The following KLF12 variants were observed in gnomAD, a reference collection of about 807,000 sequenced individuals.
The protein encoded by KLF12 is KLF transcription factor 12.
Under a neutral mutation model 37.8 loss-of-function variants are expected in KLF12, and 9 were observed. The ratio of observed to expected loss-of-function variants is 0.24; its 90% CI spans 0.14 to 0.42. The LOEUF is 0.42. Ranked by LOEUF, KLF12 falls within the 10% of genes least tolerant of loss-of-function variation. KLF12 has a pLI of 1.00. For missense variants in KLF12, 411 were observed against 516.0 expected, an observed-to-expected ratio of 0.80 and a Z score of 1.97; for synonymous variants, 208 against 202.1, an observed-to-expected ratio of 1.03 and a Z score of -0.25.
chr13:74,210,352 T>G, the KLF12 span, among the ~76,000 whole-genome samples: 3 of 152,170 alleles, frequency 2.0e-5, no homozygotes, highest in Admixed American at 2.0e-4. Flanking sequence ...CTGAAGAAGC[T>G]TCACTTGAGT....
At chr13:74,183,005 T>C in the KLF12 span, among the ~76,000 whole-genome samples, 1 of 152,280 alleles carries the variant, frequency 6.6e-6, no homozygotes, top group South Asian at 2.1e-4. Context: ...GGAAATCACT[T>C]TGGAAAATGC....
rs1001680214 is a variant in KLF12 at position 73,871,348 on chromosome 13, G to A, written c.124-24975C>T. 7.2e-5 allele frequency among the ~76,000 whole-genome samples: 11 copies of A among 152,306 alleles called. No homozygotes were observed. In the East Asian group the frequency reaches 7.7e-4, roughly 11 times the overall value. On this transcript the variant is annotated intron_variant, in intron 3 of 7. Transcript: ENST00000377669. The stretch of plus-strand genomic sequence containing the variant: ...CCCTCCTTCTCTTCAATGAATAAGC[G>A]AGCATTCGCTATACTAAATTCCTGT...
chr13:73,808,698 T>C (rs1263156768), intron 5 of KLF12, among the ~76,000 whole-genome samples: 1 of 152,204 alleles, frequency 6.6e-6, no homozygotes, highest in Non-Finnish European at 1.5e-5. Context: ...CTCAGGAATG[T>C]TCACGCTATA....
the KLF12 span, among the ~76,000 whole-genome samples, chr13:74,152,001 G>A: frequency 6.6e-6 from 1 of 152,136 alleles, no homozygotes; most frequent in Non-Finnish European, 1.5e-5. Context: ...AATAAAAAGG[G>A]CAACTAACAC....
the KLF12 span, among the ~76,000 whole-genome samples, chr13:74,189,810 C>T: frequency 6.6e-6 from 1 of 151,700 alleles, no homozygotes; most frequent in South Asian, 2.1e-4. Flanking sequence ...AAATTGTTTT[C>T]GACTAGTTGA....
At chr13:74,239,194 A>G in the KLF12 span, among the ~76,000 whole-genome samples, 4 of 150,538 alleles carry the variant, frequency 2.7e-5, no homozygotes, top group Non-Finnish European at 4.4e-5. Flanking sequence ...TCATTTCGTT[A>G]TGTACCCAGT....
At chr13:74,095,165 A>G (rs1044869122) in intron 1 of KLF12, among the ~76,000 whole-genome samples, 3 of 152,200 alleles carry the variant, frequency 2.0e-5, no homozygotes, top group Non-Finnish European at 2.9e-5. Context: ...ACATTTTTCA[A>G]GTCTCCAGAC....
intron 1 of KLF12, among the ~76,000 whole-genome samples, chr13:73,997,301 C>T (rs1413922934): frequency 6.6e-6 from 1 of 151,894 alleles, no homozygotes; most frequent in African/African-American, 2.4e-5. Context: ...TCTTTGATGC[C>T]CAGTTTTCTT....
chr13:74,269,188 G>A, the KLF12 span, among the ~76,000 whole-genome samples: 1 of 152,168 alleles, frequency 6.6e-6, no homozygotes, highest in African/African-American at 2.4e-5. Context: ...TGATGGCAAA[G>A]GGGACATGAA....
chr13:74,114,024 ATAGAAT>A lies in KLF12; in HGVS notation c.-32+19709_-32+19714del, dbSNP rs370192932. Among the ~76,000 whole-genome samples the A allele has an allele frequency of 4.2e-3, 634 of 152,324 alleles. 2 individuals are homozygous for A. The highest frequency in any genetic ancestry group is 0.014 in the African/African-American group (598 of 41,572). On this transcript the variant is annotated intron_variant, in intron 1 of 7. Coordinates refer to ENST00000377669, the MANE Select transcript of KLF12 (RefSeq NM_007249.5). Reference sequence around the variant, plus strand: ...AGATGTGGTAGAAACAGCAAGAGAAATAGAATTAGAAGTAGAGCCTGAAAATGTGAC... The same window carrying A: ...AGATGTGGTAGAAACAGCAAGAGAAATAGAAGTAGAGCCTGAAAATGTGAC...
chr13:74,080,633 T>C (rs1255768139), intron 1 of KLF12, among the ~76,000 whole-genome samples: 3 of 152,162 alleles, frequency 2.0e-5, no homozygotes, highest in African/African-American at 7.2e-5. Context: ...AAATAACTGG[T>C]ATTTCTAAAA....
At chr13:74,303,810 C>T in the KLF12 span, among the ~76,000 whole-genome samples, 1 of 152,044 alleles carries the variant, frequency 6.6e-6, no homozygotes, top group African/African-American at 2.4e-5. Flanking sequence ...ATTGTCTTTT[C>T]CGAGGCCCAC....
At chr13:74,187,807 T>G in the KLF12 span, among the ~76,000 whole-genome samples, 1 of 152,166 alleles carries the variant, frequency 6.6e-6, no homozygotes, top group Non-Finnish European at 1.5e-5. Context: ...CTGTCTGACT[T>G]TGACATGATC....
intron 4 of KLF12, among the ~76,000 whole-genome samples, chr13:73,827,252 G>C (rs1047137511): frequency 2.0e-5 from 3 of 152,152 alleles, no homozygotes; most frequent in Non-Finnish European, 4.4e-5. Flanking sequence ...TATTACAAAT[G>C]CTGCTGTAAC....
At chr13:73,957,727 T>G (rs1890887958) in intron 2 of KLF12, among the ~76,000 whole-genome samples, 1 of 152,232 alleles carries the variant, frequency 6.6e-6, no homozygotes, top group Non-Finnish European at 1.5e-5. Context: ...TTATTAATTT[T>G]GTTAGAAAAA....
intron 1 of KLF12, among the ~76,000 whole-genome samples, chr13:74,039,918 G>C (rs1462261695): frequency 6.6e-6 from 1 of 152,188 alleles, no homozygotes; most frequent in African/African-American, 2.4e-5. Flanking sequence ...ATAAAATAGT[G>C]ACTTACGGCT....
upstream of KLF12, among the ~76,000 whole-genome samples, chr13:74,134,764 C>G (rs935767800): frequency 6.6e-6 from 1 of 151,916 alleles, no homozygotes; most frequent in African/African-American, 2.4e-5. Flanking sequence ...TCTTTTGTGT[C>G]AGAGCGCGCC....
chr13:74,117,216 G>A (rs1490594020), intron 1 of KLF12, among the ~76,000 whole-genome samples: 1 of 152,184 alleles, frequency 6.6e-6, no homozygotes, highest in Non-Finnish European at 1.5e-5. Flanking sequence ...ACAATGAAAT[G>A]AGAGACCCTT....
the KLF12 span, among the ~76,000 whole-genome samples, chr13:74,296,588 A>T: frequency 6.6e-6 from 1 of 152,104 alleles, no homozygotes; most frequent in African/African-American, 2.4e-5. Flanking sequence ...TTTCATTTTC[A>T]CTCATTATTT....
Sources: gnomAD v4.1 joint callset for allele counts (sites outside exome capture counted in the v4.1 genomes callset) on GRCh38, gnomAD v4.1.1 for gene constraint, MANE v1.5 for transcripts, NCBI Gene and HGNC (gene_info 2026-07-23, HGNC 2026-07-21) for gene names.